CDH12: variants seen among roughly 807,000 people sequenced by gnomAD.
The protein encoded by CDH12 is cadherin-12.
A neutral mutation model predicts 74.1 loss-of-function variants in CDH12; 41 were observed. The ratio of observed to expected loss-of-function variants is 0.55; its 90% confidence interval spans 0.43 to 0.72. The LOEUF (loss-of-function observed/expected upper bound fraction) is 0.72. CDH12 is among the 30% of genes least tolerant of loss of function. The probability of loss-of-function intolerance (pLI) is 0.00; values close to 1 mark genes in which losing one functional copy is unlikely to be tolerated. For synonymous variants in CDH12, 399 were observed against 355.0 expected, an observed-to-expected ratio of 1.12 and a Z score of -1.39; for missense variants, 945 against 977.2, an observed-to-expected ratio of 0.97 and a Z score of 0.44.
In CDH12 at chr5:21,752,179, G is replaced by A; in HGVS notation, c.1943C>T (p.Thr648Ile). The change falls in exon 15 of 15, where the codon ACC becomes ATC. Residue 648 changes from threonine to isoleucine, a missense_variant. Physicochemically the swap from Thr to Ile is moderately conservative, Grantham distance 89. Coordinates refer to ENST00000382254, the MANE Select transcript of CDH12 (RefSeq NM_004061.5). ...GTTGTCTCTGATGTCTTCTTTAGAG[G>A]TCATCAGGGTGTCTTTTTTCTTCTG... ...RRQKKKDTLM[T>I]SKEDIRDNVI... 1 of 1,613,840 alleles carries A rather than the reference G, an allele frequency of 6.2e-7. No individual in the cohort carries two copies. The highest frequency in any genetic ancestry group is 1.1e-5 in the South Asian group (1 of 91,068).
chr5:22,455,158 G>A (rs1207846440), intron 2 of CDH12, among the ~76,000 whole-genome samples: 1 of 152,128 alleles, frequency 6.6e-6, no homozygotes, highest in Non-Finnish European at 1.5e-5. Flanking sequence ...AACATTATTG[G>A]CAGAGGGCAA....
chr5:22,482,727 T>C (rs977119497), intron 2 of CDH12, among the ~76,000 whole-genome samples: 2 of 152,186 alleles, frequency 1.3e-5, no homozygotes, highest in Non-Finnish European at 2.9e-5. Context: ...TCATATTCTC[T>C]GTTTTACTCA....
chr5:22,663,825 TAAC>T lies in CDH12; in HGVS notation c.-522-158464_-522-158462del, dbSNP rs563073687. On this transcript the variant is annotated intron_variant, in intron 1 of 14. Transcript: ENST00000382254. ...CCATGATATAAGAATTATTTTACAA[TAAC>T]AATTATATATAAAATCTCAAAGTAA... is the stretch of plus-strand genomic sequence containing the variant. Among the ~76,000 whole-genome samples, 40 of 62,004 alleles carry T rather than the reference TAAC, an allele frequency of 6.5e-4. 1 individual carries two copies. The highest frequency in any genetic ancestry group is 4.6e-3 in the African/African-American group (39 of 8,514). 40.7% of individuals were successfully genotyped at this position (62,004 alleles called of 152,430 possible).
intron 6 of CDH12, among the ~76,000 whole-genome samples, chr5:21,888,166 G>A (rs1196394886): frequency 1.3e-5 from 2 of 152,070 alleles, no homozygotes; most frequent in African/African-American, 4.8e-5. Flanking sequence ...TCTACAGTGA[G>A]GTCCACTACA....
At position 22,078,722 on chromosome 5, in the gene CDH12, A is replaced by G; in HGVS notation, c.-46T>C. Reference sequence around the variant, plus strand: ...CAGAGTAATAAAAACTCCAACACTTAACGTAGAATTGTGGAATCCAGGTTT... The same window carrying G: ...CAGAGTAATAAAAACTCCAACACTTGACGTAGAATTGTGGAATCCAGGTTT... On this transcript the variant is annotated 5_prime_UTR_variant, in exon 5 of 15. Transcript: ENST00000382254. 2 of 1,596,196 alleles carry G rather than the reference A, an allele frequency of 1.3e-6. No homozygotes were observed. Among genetic ancestry groups the G allele is most frequent in the South Asian group, 2.2e-5 (2 of 89,372 alleles).
intron 1 of CDH12, among the ~76,000 whole-genome samples, chr5:22,749,115 G>A (rs1017553425): frequency 3.3e-5 from 5 of 152,208 alleles, no homozygotes; most frequent in South Asian, 2.1e-4. Context: ...CCTGGTGGGC[G>A]TGTTGGAGCT....
At chr5:22,740,423 T>C (rs536921631) in intron 1 of CDH12, among the ~76,000 whole-genome samples, 4 of 144,182 alleles carry the variant, frequency 2.8e-5, no homozygotes, top group African/African-American at 1.0e-4. Context: ...ATTCATTAGG[T>C]AAAAAAAAAA....
intron 1 of CDH12, among the ~76,000 whole-genome samples, chr5:22,842,859 T>A (rs944386776): frequency 6.6e-6 from 1 of 152,210 alleles, no homozygotes; most frequent in African/African-American, 2.4e-5. Context: ...TTTCTAAATC[T>A]ATTTTAAACA....
intron 3 of CDH12, among the ~76,000 whole-genome samples, chr5:22,220,314 G>A (rs966736336): frequency 2.6e-5 from 4 of 151,632 alleles, no homozygotes; most frequent in African/African-American, 9.7e-5. Flanking sequence ...TTATAATAGT[G>A]AGATACTGAA....
intron 1 of CDH12, among the ~76,000 whole-genome samples, chr5:22,716,729 A>G (rs1004586634): frequency 2.0e-5 from 3 of 152,070 alleles, no homozygotes; most frequent in Non-Finnish European, 2.9e-5. Flanking sequence ...CCAGTGGGAC[A>G]AGATGTGGAG....
chr5:21,855,995 A>G (rs1310426547), intron 6 of CDH12, among the ~76,000 whole-genome samples: 1 of 151,720 alleles, frequency 6.6e-6, no homozygotes, highest in Non-Finnish European at 1.5e-5. Context: ...AATCTTGGCT[A>G]TATTAACAGA....
intron 6 of CDH12, among the ~76,000 whole-genome samples, chr5:21,954,581 T>C (rs1004562305): frequency 1.3e-5 from 2 of 152,106 alleles, no homozygotes; most frequent in Admixed American, 6.6e-5. Flanking sequence ...AAGTTAAAAT[T>C]CAGAAATAAA....
chr5:22,006,811 T>C (rs1736992466), intron 5 of CDH12, among the ~76,000 whole-genome samples: 1 of 152,190 alleles, frequency 6.6e-6, no homozygotes, highest in African/African-American at 2.4e-5. Context: ...GTAATGCATG[T>C]GAAGTGTTCA....
At chr5:22,359,740 A>G (rs1399079240) in intron 3 of CDH12, among the ~76,000 whole-genome samples, 2 of 152,220 alleles carry the variant, frequency 1.3e-5, no homozygotes, top group Non-Finnish European at 2.9e-5. Context: ...CTCTCAGACC[A>G]CAGTGCAATC....
intron 3 of CDH12, among the ~76,000 whole-genome samples, chr5:22,309,958 A>T (rs967268134): frequency 6.8e-5 from 9 of 131,762 alleles, no homozygotes; most frequent in African/African-American, 2.5e-4. Context: ...TAAAAAAAAA[A>T]ACATGGACAC....
chr5:22,033,618 A>T (rs1243962262), intron 5 of CDH12, among the ~76,000 whole-genome samples: 1 of 152,202 alleles, frequency 6.6e-6, no homozygotes, highest in Non-Finnish European at 1.5e-5. Flanking sequence ...CAAGAAATCT[A>T]ATAAAGTAGT....
chr5:22,258,399 G>A (rs1377406638), intron 3 of CDH12, among the ~76,000 whole-genome samples: 1 of 151,948 alleles, frequency 6.6e-6, no homozygotes, highest in Non-Finnish European at 1.5e-5. Context: ...CTTAACTCCC[G>A]AGCTATGATC....
intron 4 of CDH12, among the ~76,000 whole-genome samples, chr5:22,185,470 C>A (rs939431237): frequency 2.0e-4 from 30 of 152,118 alleles, no homozygotes; most frequent in African/African-American, 7.0e-4. Flanking sequence ...AAATGGCACA[C>A]GTGAGCTACT....
chr5:22,796,905 C>T (rs529179234), intron 1 of CDH12, among the ~76,000 whole-genome samples: 2 of 152,052 alleles, frequency 1.3e-5, no homozygotes, highest in African/African-American at 4.8e-5. Flanking sequence ...GGAGGAAAAG[C>T]AAGTTTCATA....
Sources: allele counts gnomAD v4.1 joint callset (sites outside exome capture counted in the v4.1 genomes callset), GRCh38; gene constraint gnomAD v4.1.1; transcripts MANE v1.5; gene names NCBI Gene and HGNC (gene_info 2026-07-23, HGNC 2026-07-21).